The following LRRC28 variants were observed in gnomAD, a reference collection of about 807,000 sequenced individuals.
LRRC28 encodes leucine-rich repeat-containing protein 28.
Under a neutral mutation model 45.7 loss-of-function variants are expected in LRRC28, and 39 were observed. The observed-to-expected ratio is 0.85, with a 90% CI of 0.66 to 1.12. LRRC28 has a LOEUF of 1.12. LRRC28 is among the 50% of genes most tolerant of loss of function. LRRC28 has a pLI of 0.00. For synonymous variants in LRRC28, 206 were observed against 178.8 expected, an observed-to-expected ratio of 1.15 and a Z score of -1.22; for missense variants, 435 against 438.5, an observed-to-expected ratio of 0.99 and a Z score of 0.07.
chr15:99,372,496 T>TA (rs1307608898), intron 9 of LRRC28, among the ~76,000 whole-genome samples: 3 of 152,208 alleles, frequency 2.0e-5, no homozygotes, highest in African/African-American at 7.2e-5. Context: ...AATCCATTCT[T>TA]AAGGCAGCAG....
At chr15:99,351,268 G>A (rs868546791) in intron 6 of LRRC28, among the ~76,000 whole-genome samples, 1 of 152,150 alleles carries the variant, frequency 6.6e-6, no homozygotes, top group Non-Finnish European at 1.5e-5. Context: ...GGGATGGCCT[G>A]TATATCTGAG....
chr15:99,314,917 C>G (rs115892311), intron 5 of LRRC28, among the ~76,000 whole-genome samples: 2,110 of 152,184 alleles, frequency 0.014, 46 homozygotes, highest in African/African-American at 0.048. Flanking sequence ...ATTCATATAG[C>G]TAAAGACAAA....
chr15:99,302,622 TTAACTTTATTC>T (rs1311823806), intron 5 of LRRC28, among the ~76,000 whole-genome samples: 2 of 152,222 alleles, frequency 1.3e-5, no homozygotes, highest in African/African-American at 4.8e-5. Flanking sequence ...GTACAGTTAA[TTAACTTTATTC>T]AATGTCCACA....
intron 7 of LRRC28, 176 bp from the exon 8 acceptor site, chr15:99,361,160 T>G (rs1567697046): frequency 1.2e-5 from 8 of 683,906 alleles, no homozygotes; most frequent in Non-Finnish European, 9.3e-6. Flanking sequence ...GAGTTTAGAT[T>G]GCTGGGCCAG....
At chr15:99,379,483 A>G (rs1454926168) in intron 9 of LRRC28, among the ~76,000 whole-genome samples, 2 of 152,118 alleles carry the variant, frequency 1.3e-5, no homozygotes, top group Non-Finnish European at 2.9e-5. Context: ...GATCTTTTCA[A>G]AAAACCAGCT....
chr15:99,367,302 T>C (rs896950821), intron 9 of LRRC28, among the ~76,000 whole-genome samples: 2 of 152,194 alleles, frequency 1.3e-5, no homozygotes, highest in Non-Finnish European at 2.9e-5. Flanking sequence ...GTAATTGAGA[T>C]TGGGTAATTT....
chr15:99,388,361 G>A lies in LRRC28; in HGVS notation c.*2259G>A, dbSNP rs541423113. 2 of 152,300 alleles carry A rather than the reference G, an allele frequency of 1.3e-5. No homozygotes were observed. The highest frequency in any genetic ancestry group is 4.8e-5 in the African/African-American group (2 of 41,564). 9.4% of individuals were successfully genotyped at this position (152,300 alleles called of 1,614,324 possible). A position where few individuals can be genotyped will look rare whatever the true frequency, so the allele number is the denominator to read the frequency against. On this transcript the variant is annotated 3_prime_UTR_variant, in exon 10 of 10. Transcript: ENST00000301981. ...GTGATACATTAGTTTTACCTTGTTT[G>A]AAATTTTACAAAAATGCTTACAATC...
rs775891854 is a variant in LRRC28, at chr15:99,352,517, TTTGGTAC to T, written c.695+49_695+55del. ...TGAACTAAAAAATAGATTAACTACTTTTGGTACTTCTGTTCAATTTTGTCTTTGCCCT... is the reference window on the plus strand; with the variant it reads ...TGAACTAAAAAATAGATTAACTACTTTTCTGTTCAATTTTGTCTTTGCCCT... On this transcript the variant is annotated intron_variant, in intron 7 of 9. Coordinates refer to ENST00000301981, the MANE Select transcript of LRRC28 (RefSeq NM_144598.5). The T allele has an allele frequency of 2.0e-6, 3 of 1,465,764 alleles. No individual in the cohort carries two copies. In the African/African-American group the frequency reaches 4.2e-5, roughly 20 times the overall value. 90.8% of individuals were successfully genotyped at this position (1,465,764 alleles called of 1,614,324 possible). A position where few individuals can be genotyped will look rare whatever the true frequency, so the allele number is the denominator to read the frequency against.
chr15:99,286,630 T>TG (rs1051802586), intron 3 of LRRC28: 4 of 152,274 alleles, frequency 2.6e-5, no homozygotes, highest in Non-Finnish European at 5.9e-5. Flanking sequence ...GACACTGTAG[T>TG]GGGAAAATTG....
intron 8 of LRRC28, among the ~76,000 whole-genome samples, chr15:99,362,353 A>C (rs547042190): frequency 3.3e-5 from 5 of 152,360 alleles, no homozygotes; most frequent in African/African-American, 1.2e-4. Flanking sequence ...CAGATATAAA[A>C]GGTAAAAAGA....
chr15:99,263,406 A>G lies in LRRC28; in HGVS notation c.168+7281A>G, dbSNP rs535962962. ...AGAAAATGTTTTAAATACTTTTTCC[A>G]TAATTATTTTAAATGCAATTTAGGA... is the stretch of plus-strand genomic sequence containing the variant. On this transcript the variant is annotated intron_variant, in intron 2 of 9. Coordinates refer to ENST00000301981, the MANE Select transcript of LRRC28 (RefSeq NM_144598.5). 2.6e-5 allele frequency among the ~76,000 whole-genome samples: 4 copies of G among 152,148 alleles called. No homozygotes were observed. In the Middle Eastern group the frequency reaches 0.01, roughly 391 times the overall value.
chr15:99,342,411 T>TCTAC (rs1219289420), intron 6 of LRRC28, among the ~76,000 whole-genome samples: 1 of 152,198 alleles, frequency 6.6e-6, no homozygotes, highest in Non-Finnish European at 1.5e-5. Context: ...CAATCCCAGC[T>TCTAC]CTACCACTTG....
intron 2 of LRRC28, chr15:99,257,563 C>T (rs2081058951): frequency 7.5e-6 from 4 of 531,504 alleles, no homozygotes; most frequent in Non-Finnish European, 1.4e-5. Flanking sequence ...AGGATCCAAC[C>T]CGGGGGTGAG....
intron 5 of LRRC28, among the ~76,000 whole-genome samples, chr15:99,289,165 G>A (rs1359992433): frequency 6.6e-6 from 1 of 151,984 alleles, no homozygotes; most frequent in Non-Finnish European, 1.5e-5. Context: ...TTGATTTCTT[G>A]GGAGGAGCAT....
intron 3 of LRRC28, among the ~76,000 whole-genome samples, chr15:99,278,258 A>C (rs910401467): frequency 6.6e-6 from 1 of 152,088 alleles, no homozygotes; most frequent in Non-Finnish European, 1.5e-5. Flanking sequence ...TTTAAAAAAA[A>C]ATTTTTTAAG....
rs562613968 is a variant in LRRC28, at chr15:99,255,666, A to G, written c.-60-232A>G. 2.0e-5 allele frequency among the ~76,000 whole-genome samples: 3 copies of G among 152,280 alleles called. No homozygotes were observed. The South Asian group carries it at 6.2e-4, about 32-fold the overall frequency. On this transcript the variant is annotated intron_variant, in intron 1 of 9. Transcript: ENST00000301981. Reference sequence around the variant, plus strand: ...AAAACTATTTTTTTCCATTAGGACTATTTCTAATAAGTAATAAATATTGCT... The same window carrying G: ...AAAACTATTTTTTTCCATTAGGACTGTTTCTAATAAGTAATAAATATTGCT...
intron 6 of LRRC28, among the ~76,000 whole-genome samples, chr15:99,346,750 C>T (rs1841597099): frequency 6.6e-6 from 1 of 151,996 alleles, no homozygotes; most frequent in Admixed American, 6.5e-5. Flanking sequence ...AATGGAAGCA[C>T]ACTCATCAAA....
At chr15:99,257,875 T>C in intron 2 of LRRC28, 2 of 776,036 alleles carry the variant, frequency 2.6e-6, no homozygotes, top group Non-Finnish European at 4.8e-6. Flanking sequence ...CAAGCTGAAG[T>C]TAACAGAATG....
chr15:99,333,814 A>G lies in LRRC28; in HGVS notation c.386-109A>G, dbSNP rs1567671562. On this transcript the variant is annotated intron_variant, in intron 5 of 9. Coordinates refer to ENST00000301981, the MANE Select transcript of LRRC28 (RefSeq NM_144598.5). ...CACTTCAGCATTCATGTTTATGGGA[A>G]TAGTCGCAGCTACTGATTTCATTTG... 9 of 1,105,874 alleles carry G rather than the reference A, an allele frequency of 8.1e-6. No homozygotes were observed. The South Asian group carries it at 1.2e-4, about 14-fold the overall frequency. 68.5% of individuals were successfully genotyped at this position (1,105,874 alleles called of 1,614,324 possible).
Sources: allele counts gnomAD v4.1 joint callset (sites outside exome capture counted in the v4.1 genomes callset), GRCh38; gene constraint gnomAD v4.1.1; transcripts MANE v1.5; gene names NCBI Gene and HGNC (gene_info 2026-07-23, HGNC 2026-07-21).